SLC17A2: variants seen among roughly 807,000 people sequenced by gnomAD.
SLC17A2 encodes the protein solute carrier family 17 member 2.
Under a neutral mutation model 52.1 loss-of-function variants are expected in SLC17A2, and 38 were observed. That is an observed-to-expected ratio of 0.73 (90% CI 0.56 to 0.96). SLC17A2 has a LOEUF of 0.96. Among genes scored for constraint, SLC17A2 ranks in the 40% least tolerant of loss-of-function variants. The probability of loss-of-function intolerance (pLI) is 0.00; values close to 1 mark genes in which losing one functional copy is unlikely to be tolerated. For missense variants in SLC17A2, 508 were observed against 583.9 expected (o/e 0.87, Z 1.34); for synonymous variants, 226 against 211.9 (o/e 1.07, Z -0.58).
At chr6:25,913,548 A>T in intron 11 of SLC17A2, 97 bp from the exon 12 acceptor site, 1 of 1,165,618 alleles carries the variant, frequency 8.6e-7, no homozygotes, top group Non-Finnish European at 1.2e-6. Context: ...GTTGATCACA[A>T]GGAATATAAG....
intron 11 of SLC17A2, 89 bp from the exon 12 acceptor site, chr6:25,913,540 T>C (rs998014246): frequency 2.4e-6 from 3 of 1,264,356 alleles, no homozygotes; most frequent in Non-Finnish European, 3.4e-6. Flanking sequence ...ATTGCAATGT[T>C]GATCACAAGG....
intron 1 of SLC17A2, among the ~76,000 whole-genome samples, chr6:25,927,241 A>G (rs1581576589): frequency 6.6e-6 from 1 of 152,228 alleles, no homozygotes; most frequent in Non-Finnish European, 1.5e-5. Context: ...TGTGTCCAAA[A>G]ATATCCTTTG....
intron 1 of SLC17A2, among the ~76,000 whole-genome samples, chr6:25,928,277 G>A (rs1442526911): frequency 6.6e-6 from 1 of 151,826 alleles, no homozygotes; most frequent in Non-Finnish European, 1.5e-5. Context: ...AAACTCAATG[G>A]GGTAGCTCCA....
At chr6:25,925,378 T>C (rs916072407) in intron 2 of SLC17A2, among the ~76,000 whole-genome samples, 7 of 151,604 alleles carry the variant, frequency 4.6e-5, no homozygotes, top group Non-Finnish European at 1.0e-4. Flanking sequence ...CTGGGCATGG[T>C]GGTGTGTGCC....
At chr6:25,923,070 C>T (rs1766617387) in intron 3 of SLC17A2, among the ~76,000 whole-genome samples, 2 of 152,036 alleles carry the variant, frequency 1.3e-5, no homozygotes, top group South Asian at 4.2e-4. Context: ...CCCCTTACTC[C>T]CAGCTACTTG....
chr6:25,924,982 G>A (rs1429252664), intron 2 of SLC17A2, among the ~76,000 whole-genome samples: 1 of 152,116 alleles, frequency 6.6e-6, no homozygotes, highest in Non-Finnish European at 1.5e-5. Flanking sequence ...TGATAGATTG[G>A]ATTTTTCCTG....
chr6:25,926,250 C>T (rs1183046956), intron 1 of SLC17A2, among the ~76,000 whole-genome samples: 1 of 151,978 alleles, frequency 6.6e-6, no homozygotes, highest in African/African-American at 2.4e-5. Flanking sequence ...TAAGACAGGA[C>T]AATTAAACTA....
At chr6:25,919,327 GA>G (rs975729945) in intron 5 of SLC17A2, among the ~76,000 whole-genome samples, 4 of 151,218 alleles carry the variant, frequency 2.6e-5, no homozygotes, top group African/African-American at 7.3e-5. Context: ...ACTGAAATTT[GA>G]AAAAAAAGAT....
chr6:25,920,260 T>C (rs909940703), intron 5 of SLC17A2, among the ~76,000 whole-genome samples: 1 of 152,202 alleles, frequency 6.6e-6, no homozygotes. Flanking sequence ...ATTTTAGTTC[T>C]GCTCTTCGAG....
At chr6:25,925,510 C>CAA (rs71763063) in intron 2 of SLC17A2, among the ~76,000 whole-genome samples, 5 of 95,878 alleles carry the variant, frequency 5.2e-5, no homozygotes, top group African/African-American at 1.8e-4. Context: ...AAGACTCAGT[C>CAA]AAAAAAAAAA....
At chr6:25,915,175 A>AT (rs1766259059) in intron 10 of SLC17A2, among the ~76,000 whole-genome samples, 1 of 135,444 alleles carries the variant, frequency 7.4e-6, no homozygotes, top group Non-Finnish European at 1.6e-5. Context: ...ATATATATAT[A>AT]TATGGTAGCT....
rs952251838 is a variant in SLC17A2 at position 25,923,637 on chromosome 6, T to C, written c.240+58A>G. 4 of 1,278,472 alleles carry C rather than the reference T, an allele frequency of 3.1e-6. No individual in the cohort carries two copies. The African/African-American group carries it at 5.9e-5, about 19-fold the overall frequency. The allele number at this position is 1,278,472 out of a possible 1,614,324, so 79.2% of individuals were successfully genotyped here. A position where few individuals can be genotyped will look rare whatever the true frequency, so the allele number is the denominator to read the frequency against. Reference sequence around the variant, plus strand: ...CCATACTCCACAGAATCAAGATCTATGCCTTCCTTTCAAAGTTTTTTCTCT... The same window carrying C: ...CCATACTCCACAGAATCAAGATCTACGCCTTCCTTTCAAAGTTTTTTCTCT... On this transcript the variant is annotated intron_variant, in intron 3 of 11. Transcript: ENST00000377850.
At chr6:25,928,237 T>A (rs564498254) in intron 1 of SLC17A2, among the ~76,000 whole-genome samples, 4 of 152,176 alleles carry the variant, frequency 2.6e-5, no homozygotes, top group Non-Finnish European at 5.9e-5. Flanking sequence ...ACTTCCCCTT[T>A]GTTTTCGTAA....
At position 25,917,047 on chromosome 6, in the gene SLC17A2, C is replaced by T; in HGVS notation, c.690G>A (p.Val230=). 2 of 1,614,168 alleles carry T rather than the reference C, an allele frequency of 1.2e-6. No homozygotes were observed. The highest frequency in any genetic ancestry group is 1.7e-6 in the Non-Finnish European group (2 of 1,180,024). ...GGTGATGCATGGGGTCATCATAAAT[C>T]ACTGTGAACCATAGGAGACAGCAGA... ...GCVCCLLWFT[V]IYDDPMHHPC... is the part of the protein sequence containing the mutation. Residue 230 remains valine (V), a synonymous_variant, in exon 7 of 12, where the codon GTG becomes GTA. Coordinates refer to ENST00000377850, the MANE Select transcript of SLC17A2 (RefSeq NM_001286123.3).
At chr6:25,924,808 CAAA>C (rs33975030) in intron 2 of SLC17A2, among the ~76,000 whole-genome samples, 84 of 135,080 alleles carry the variant, frequency 6.2e-4, no homozygotes, top group East Asian at 4.1e-3. Context: ...GACTCAATCT[CAAA>C]AAAAAAAAAA....
Position 25,913,422 on chromosome 6 carries a change from A to G in SLC17A2, c.1332T>C (p.Phe444=). The part of the protein sequence containing the change: ...QDFESGWRNV[F]FLSAAVNMFG... ...ACATGTTGACTGCAGCAGACAGGAAAAAGACATTCCTCCAACCAGACTCAA... is the reference window on the plus strand; with the variant it reads ...ACATGTTGACTGCAGCAGACAGGAAGAAGACATTCCTCCAACCAGACTCAA... The change falls in exon 12 of 12, where the codon TTT becomes TTC. Residue 444 remains phenylalanine (F), a synonymous_variant. Transcript: ENST00000377850. The G allele has an allele frequency of 6.2e-7, 1 of 1,614,104 alleles. No homozygotes were observed.
intron 11 of SLC17A2, 35 bp downstream of exon 11, chr6:25,914,545 C>T: frequency 7.5e-7 from 1 of 1,325,060 alleles, no homozygotes; most frequent in Non-Finnish European, 1.1e-6. Context: ...AAAACAATAC[C>T]TGCCACTTGA....
chr6:25,920,949 T>C (rs1322085571), intron 5 of SLC17A2, 57 bp downstream of exon 5: 2 of 1,489,844 alleles, frequency 1.3e-6, no homozygotes, highest in East Asian at 2.3e-5. Flanking sequence ...TCATAGAAGA[T>C]AAGACACAGT....
At chr6:25,915,149 G>GTATATA (rs59580107) in intron 10 of SLC17A2, among the ~76,000 whole-genome samples, 2,481 of 57,846 alleles carry the variant, frequency 0.043, 231 homozygotes, top group Admixed American at 0.066. Context: ...TATTGTGACT[G>GTATATA]TATATATATA....
Sources: allele counts gnomAD v4.1 joint callset (sites outside exome capture counted in the v4.1 genomes callset), GRCh38; gene constraint gnomAD v4.1.1; transcripts MANE v1.5; gene names NCBI Gene and HGNC (gene_info 2026-07-23, HGNC 2026-07-21).